Variants in SLC39A11 observed in about 807,000 individuals in gnomAD.
SLC39A11 encodes the protein zinc transporter ZIP11.
A neutral mutation model predicts 36.1 loss-of-function variants in SLC39A11; 33 were observed. The observed-to-expected ratio is 0.91, with a 90% CI of 0.69 to 1.22. SLC39A11 has a LOEUF of 1.22. Ranked by LOEUF, SLC39A11 falls within the 50% of genes most tolerant of loss-of-function variation. SLC39A11 has a pLI of 0.00. For missense variants in SLC39A11, 432 were observed against 430.3 expected, an observed-to-expected ratio of 1.00 and a Z score of -0.03; for synonymous variants, 166 against 170.3, an observed-to-expected ratio of 0.97 and a Z score of 0.20.
At chr17:72,786,037 C>T (rs944747428) in intron 6 of SLC39A11, among the ~76,000 whole-genome samples, 2 of 152,212 alleles carry the variant, frequency 1.3e-5, no homozygotes, top group African/African-American at 4.8e-5. Flanking sequence ...ATCTCTGGAT[C>T]ACAATGGGCC....
At chr17:72,659,851 T>G (rs2070331626) in intron 7 of SLC39A11, among the ~76,000 whole-genome samples, 1 of 152,126 alleles carries the variant, frequency 6.6e-6, no homozygotes, top group East Asian at 1.9e-4. Flanking sequence ...TCTGCCCGCC[T>G]CAGGCTCCCA....
chr17:72,922,034 G>T (rs920966227), intron 5 of SLC39A11, among the ~76,000 whole-genome samples: 8 of 152,094 alleles, frequency 5.3e-5, no homozygotes, highest in African/African-American at 1.9e-4. Context: ...GAATTCCAAG[G>T]TGAGTTCCAA....
intron 7 of SLC39A11, among the ~76,000 whole-genome samples, chr17:72,674,583 A>G (rs2071170898): frequency 6.6e-6 from 1 of 152,228 alleles, no homozygotes; most frequent in South Asian, 2.1e-4. Context: ...CTGGATCAAA[A>G]AGGAAATGCG....
intron 4 of SLC39A11, among the ~76,000 whole-genome samples, chr17:73,020,281 A>G (rs1248318040): frequency 6.6e-6 from 1 of 152,196 alleles, no homozygotes; most frequent in African/African-American, 2.4e-5. Context: ...AGTCATGAGG[A>G]TGGGACCCTC....
chr17:72,856,500 G>C (rs1436610503), intron 5 of SLC39A11, among the ~76,000 whole-genome samples: 2 of 152,238 alleles, frequency 1.3e-5, no homozygotes, highest in Middle Eastern at 3.4e-3. Context: ...TTATACATCA[G>C]ACAGACGTAT....
chr17:72,831,461 G>A (rs71380136), intron 6 of SLC39A11, among the ~76,000 whole-genome samples: 3,531 of 152,320 alleles, frequency 0.023, 84 homozygotes, highest in African/African-American at 0.065. Flanking sequence ...CTGTGAAGCA[G>A]AGGGTGGAGC....
chr17:72,907,539 T>C (rs8077955), intron 5 of SLC39A11, among the ~76,000 whole-genome samples: 79,982 of 151,952 alleles, frequency 0.53, 21,568 homozygotes, highest in East Asian at 0.74. Context: ...AGGAAGATGG[T>C]ATGAGACCTC....
intron 6 of SLC39A11, chr17:72,838,127 G>A (rs1186495321): frequency 9.1e-6 from 4 of 441,328 alleles, no homozygotes; most frequent in Non-Finnish European, 1.5e-5. Context: ...TCTACTGGAA[G>A]AAAAAAATTA....
At chr17:72,898,309 G>T (rs1294555492) in intron 5 of SLC39A11, among the ~76,000 whole-genome samples, 1 of 152,200 alleles carries the variant, frequency 6.6e-6, no homozygotes. Context: ...GAGTTCATGA[G>T]CAACACAGAG....
intron 5 of SLC39A11, among the ~76,000 whole-genome samples, chr17:72,912,320 A>C (rs1315826480): frequency 6.6e-6 from 1 of 152,090 alleles, no homozygotes; most frequent in African/African-American, 2.4e-5. Context: ...GAGGCATTAC[A>C]ACAGAAGCCA....
At chr17:72,673,737 A>G (rs2144203814) in intron 7 of SLC39A11, among the ~76,000 whole-genome samples, 1 of 152,234 alleles carries the variant, frequency 6.6e-6, no homozygotes, top group East Asian at 1.9e-4. Flanking sequence ...GGCAATGTGA[A>G]ACACTTCTGT....
chr17:72,989,431 G>A (rs758272735), intron 4 of SLC39A11, among the ~76,000 whole-genome samples: 18 of 152,164 alleles, frequency 1.2e-4, no homozygotes, highest in African/African-American at 3.4e-4. Flanking sequence ...ACATAACAGC[G>A]AGGGTATAAA....
At chr17:72,721,912 G>A (rs1399240822) in intron 7 of SLC39A11, among the ~76,000 whole-genome samples, 1 of 145,434 alleles carries the variant, frequency 6.9e-6, no homozygotes, top group African/African-American at 2.6e-5. Flanking sequence ...AGAGGCTGCA[G>A]TGAGCAGAGA....
rs1199284785 is a variant in SLC39A11 at position 72,647,341 on chromosome 17, T to G, written c.*243A>C. ...ATAATCCCACTGAAGAGAGAGTCCA[T>G]TCAGTGGCCAAAACAAAGAATCTGT... On this transcript the variant is annotated 3_prime_UTR_variant, in exon 10 of 10. Transcript: ENST00000255559. The G allele has an allele frequency of 2.9e-6, 1 of 344,706 alleles. No individual in the cohort carries two copies. The highest frequency in any genetic ancestry group is 2.1e-5 in the African/African-American group (1 of 47,498). 21.4% of individuals were successfully genotyped at this position (344,706 alleles called of 1,614,324 possible).
rs769028398 is a variant in SLC39A11 at position 72,947,744 on chromosome 17, A to G, written c.430+8T>C. The stretch of plus-strand genomic sequence containing the variant: ...CAAAGAGCTTGCCTGAAAGAAGCCC[A>G]GCTCTACCTATCCGGATGGAAAGTT... On this transcript the variant is annotated splice_region_variant and intron_variant, in intron 5 of 9. Transcript: ENST00000255559. The G allele has an allele frequency of 6.2e-7, 1 of 1,613,824 alleles. No individual in the cohort carries two copies. Among genetic ancestry groups the G allele is most frequent in the South Asian group, 1.1e-5 (1 of 91,060 alleles).
intron 4 of SLC39A11, among the ~76,000 whole-genome samples, chr17:72,949,701 G>A (rs549752687): frequency 6.6e-6 from 1 of 151,812 alleles, no homozygotes; most frequent in East Asian, 1.9e-4. Flanking sequence ...TACAATCACT[G>A]TGGCAGTTAG....
chr17:72,954,158 T>G (rs2086079517), intron 4 of SLC39A11, among the ~76,000 whole-genome samples: 2 of 152,196 alleles, frequency 1.3e-5, no homozygotes, highest in South Asian at 4.1e-4. Context: ...GTGATTCTCC[T>G]GTCTCAGCTT....
At chr17:72,871,236 G>C (rs1008267271) in intron 5 of SLC39A11, among the ~76,000 whole-genome samples, 9 of 151,486 alleles carry the variant, frequency 5.9e-5, no homozygotes, top group African/African-American at 1.9e-4. Flanking sequence ...TAATTTTTTT[G>C]TATCTTAGTA....
chr17:73,035,709 C>T (rs1403480441), intron 3 of SLC39A11, among the ~76,000 whole-genome samples: 2 of 151,164 alleles, frequency 1.3e-5, no homozygotes, highest in African/African-American at 4.9e-5. Flanking sequence ...ACTAAAAATA[C>T]AAAAATTAGC....
Sources: allele counts gnomAD v4.1 joint callset (sites outside exome capture counted in the v4.1 genomes callset), GRCh38; gene constraint gnomAD v4.1.1; transcripts MANE v1.5; gene names NCBI Gene and HGNC (gene_info 2026-07-23, HGNC 2026-07-21).